Variants in TNFRSF6B observed in about 807,000 individuals in gnomAD.
TNFRSF6B encodes tumor necrosis factor receptor superfamily member 6B.
In TNFRSF6B, 23 loss-of-function variants were observed where a neutral mutation model predicts 17.9. That is an observed-to-expected ratio of 1.28 (90% CI 0.92 to 1.82). TNFRSF6B has a LOEUF of 1.82. Ranked by LOEUF, TNFRSF6B falls within the 40% of genes most tolerant of loss-of-function variation. The probability of loss-of-function intolerance (pLI) is 0.00; values close to 1 mark genes in which losing one functional copy is unlikely to be tolerated. For missense variants in TNFRSF6B, 555 were observed against 437.2 expected (o/e 1.27, Z -2.40); for synonymous variants, 291 against 195.8 (o/e 1.49, Z -4.06).
chr20:63,697,235 G>T, intron 1 of TNFRSF6B, 44 bp downstream of exon 1: 1 of 1,552,616 alleles, frequency 6.4e-7, no homozygotes. Flanking sequence ...GTGGTGGCCG[G>T]AGGTGTGGCA....
At position 63,697,532 on chromosome 20, in the gene TNFRSF6B, A is replaced by T. The variant is rs1162845921; in HGVS notation, c.619+10A>T. On this transcript the variant is annotated intron_variant, in intron 2 of 2. Transcript: ENST00000369996. The stretch of plus-strand genomic sequence containing the variant: ...AGCACCAGGGTACCAGGTGAGCCAG[A>T]GGCCTGAGGGGGCAGCACACTGCAG... 2 of 1,536,716 alleles carry T rather than the reference A, an allele frequency of 1.3e-6. No homozygotes were observed. The highest frequency in any genetic ancestry group is 8.8e-7 in the Non-Finnish European group (1 of 1,136,978).
In TNFRSF6B at chr20:63,698,308, C is replaced by T. The variant is rs150296740; in HGVS notation, c.648C>T (p.Ile216=). 1.3e-4 allele frequency: 209 copies of T among 1,610,952 alleles called. No individual in the cohort carries two copies. The highest frequency in any genetic ancestry group is 1.6e-4 in the Non-Finnish European group (189 of 1,179,282). ...PGAEECERAV[I]DFVAFQDISI... ...CTGAGGAGTGTGAGCGTGCCGTCATCGACTTTGTGGCTTTCCAGGACATCT... is the reference window on the plus strand; with the variant it reads ...CTGAGGAGTGTGAGCGTGCCGTCATTGACTTTGTGGCTTTCCAGGACATCT... The change falls in exon 3 of 3, where the codon ATC becomes ATT. Residue 216 remains isoleucine, a synonymous_variant. Transcript: ENST00000369996.
chr20:63,697,297 C>T (rs2091003416), intron 1 of TNFRSF6B, 31 bp from the exon 2 acceptor site: 4 of 1,597,502 alleles, frequency 2.5e-6, no homozygotes, highest in East Asian at 2.3e-5. Context: ...ACACCAGTTC[C>T]CCTGACCCTG....
chr20:63,698,180 C>T, intron 2 of TNFRSF6B, 100 bp from the exon 3 acceptor site: 5 of 1,447,388 alleles, frequency 3.5e-6, no homozygotes, highest in Middle Eastern at 1.9e-4. Context: ...CTCTCTCCTG[C>T]AAACCCCCCG....
Position 63,696,939 on chromosome 20 carries a change from G to T in TNFRSF6B, c.172G>T (p.Val58Leu). The change falls in exon 1 of 3, where the codon GTG (valine) becomes TTG (leucine). Residue 58 changes from valine to leucine, a missense_variant. Coordinates refer to ENST00000369996, the MANE Select transcript of TNFRSF6B (RefSeq NM_003823.4). ...CGCCCAGTGCCCCCCAGGCACCTTT[G>T]TGCAGCGGCCGTGCCGCCGAGACAG... ...VCAQCPPGTF[V>L]QRPCRRDSPT... 1 of 1,603,280 alleles carries T rather than the reference G, an allele frequency of 6.2e-7. No individual in the cohort carries two copies. The highest frequency in any genetic ancestry group is 8.5e-7 in the Non-Finnish European group (1 of 1,176,080).
In TNFRSF6B at chr20:63,696,992, G is replaced by A. The variant is rs747082620; in HGVS notation, c.225G>A (p.Pro75=). The part of the protein sequence containing the change: ...DSPTTCGPCP[P]RHYTQFWNYL... ...CCACGACGTGTGGCCCGTGTCCACC[G>A]CGCCACTACACGCAGTTCTGGAACT... The change falls in exon 1 of 3, where the codon CCG becomes CCA. Residue 75 remains proline (P), a synonymous_variant. Coordinates refer to ENST00000369996, the MANE Select transcript of TNFRSF6B (RefSeq NM_003823.4). The A allele has an allele frequency of 1.7e-5, 28 of 1,607,946 alleles. No homozygotes were observed. The highest frequency in any genetic ancestry group is 1.0e-4 in the Admixed American group (6 of 59,866).
At position 63,696,693 on chromosome 20, in the gene TNFRSF6B, A is replaced by G; in HGVS notation, c.-75A>G. 1 of 1,422,906 alleles carries G rather than the reference A, an allele frequency of 7.0e-7. No homozygotes were observed. The highest frequency in any genetic ancestry group is 1.5e-5 in the South Asian group (1 of 68,784). The allele number at this position is 1,422,906 out of a possible 1,614,324, so 88.1% of individuals were successfully genotyped here. ...TCCGCAGGCGGACCGGGGGCAAAGG[A>G]GGTGGCATGTCGGTCAGGCACAGCA... On this transcript the variant is annotated 5_prime_UTR_variant, in exon 1 of 3. Coordinates refer to ENST00000369996, the MANE Select transcript of TNFRSF6B (RefSeq NM_003823.4).
chr20:63,697,842 CCTAA>C (rs1403017987), intron 2 of TNFRSF6B, among the ~76,000 whole-genome samples: 8 of 152,242 alleles, frequency 5.3e-5, no homozygotes, highest in Non-Finnish European at 7.4e-5. Context: ...TGGTAACTCT[CCTAA>C]CTGCCTGAGA....
rs1354883828 is a variant in TNFRSF6B, at chr20:63,698,365, C to T, written c.705C>T (p.Ala235=). The change falls in exon 3 of 3, where the codon GCC becomes GCT. Residue 235 remains alanine, a synonymous_variant. Transcript: ENST00000369996. ...SIKRLQRLLQ[A]LEAPEGWGPT... ...AGAGGCTGCAGCGGCTGCTGCAGGCCCTCGAGGCCCCGGAGGGCTGGGGTC... is the reference window on the plus strand; with the variant it reads ...AGAGGCTGCAGCGGCTGCTGCAGGCTCTCGAGGCCCCGGAGGGCTGGGGTC... The T allele has an allele frequency of 3.7e-6, 6 of 1,609,684 alleles. No homozygotes were observed. In the Admixed American group the frequency reaches 5.0e-5, roughly 14 times the overall value.
chr20:63,698,183 A>AC (rs1203525232), intron 2 of TNFRSF6B, 97 bp from the exon 3 acceptor site: 7 of 1,459,144 alleles, frequency 4.8e-6, no homozygotes, highest in Non-Finnish European at 4.6e-6. Context: ...TCTCCTGCAA[A>AC]CCCCCCGAGT....
Position 63,697,060 on chromosome 20 carries a change from G to A in TNFRSF6B, c.293G>A (p.Arg98His), listed in dbSNP as rs752104975. Reference protein sequence around the residue: ...CRYCNVLCGEREEEARACHAT... With the variant: ...CRYCNVLCGEHEEEARACHAT... ...TACTGCAACGTCCTCTGCGGGGAGC[G>A]TGAGGAGGAGGCACGGGCTTGCCAC... is the stretch of plus-strand genomic sequence containing the variant. The change falls in exon 1 of 3, where the codon CGT becomes CAT. Residue 98 changes from arginine to histidine, a missense_variant. Arg to His is a conservative substitution (Grantham distance 29, BLOSUM62 0). Transcript: ENST00000369996. The A allele has an allele frequency of 1.6e-5, 26 of 1,607,270 alleles. No individual in the cohort carries two copies. The Admixed American group carries it at 2.2e-4, about 13-fold the overall frequency.
At position 63,697,347 on chromosome 20, in the gene TNFRSF6B, G is replaced by A. The variant is rs145601523; in HGVS notation, c.444G>A (p.Thr148=). The A allele has an allele frequency of 2.0e-5, 33 of 1,611,750 alleles. No individual in the cohort carries two copies. The highest frequency in any genetic ancestry group is 1.3e-4 in the South Asian group (12 of 90,978). ...CTGCAGGCACCCCCAGCCAGAACAC[G>A]CAGTGCCAGCCGTGCCCCCCAGGCA... ...VIAPGTPSQN[T]QCQPCPPGTF... is the part of the protein sequence containing the mutation. Residue 148 remains threonine (T), a synonymous_variant, in exon 2 of 3, where the codon ACG becomes ACA. Coordinates refer to ENST00000369996, the MANE Select transcript of TNFRSF6B (RefSeq NM_003823.4).
rs886719639 is a variant in TNFRSF6B, at chr20:63,698,586, C to T, written c.*23C>T. On this transcript the variant is annotated 3_prime_UTR_variant, in exon 3 of 3. Transcript: ENST00000369996. Reference sequence around the variant, plus strand: ...TGATCCTGGCCCCCTCTTATTTATTCTACATCCTTGGCACCCCACTTGCAC... The same window carrying T: ...TGATCCTGGCCCCCTCTTATTTATTTTACATCCTTGGCACCCCACTTGCAC... 4 of 1,467,778 alleles carry T rather than the reference C, an allele frequency of 2.7e-6. No homozygotes were observed. The highest frequency in any genetic ancestry group is 2.7e-5 in the East Asian group (1 of 37,668). The allele number at this position is 1,467,778 out of a possible 1,614,324, so 90.9% of individuals were successfully genotyped here.
intron 2 of TNFRSF6B, among the ~76,000 whole-genome samples, chr20:63,697,982 C>T (rs551983368): frequency 7.9e-5 from 12 of 152,286 alleles, no homozygotes; most frequent in East Asian, 3.9e-4. Context: ...GGTCCCAACT[C>T]GCCCCTTCCG....
chr20:63,697,413 C>T lies in TNFRSF6B; in HGVS notation c.510C>T (p.Pro170=). ...ASSSSSEQCQ[P]HRNCTALGLA... The stretch of plus-strand genomic sequence containing the variant: ...GCTCCAGCTCAGAGCAGTGCCAGCC[C>T]CACCGCAACTGCACGGCCCTGGGCC... Residue 170 remains proline, a synonymous_variant, in exon 2 of 3, where the codon CCC becomes CCT. Coordinates refer to ENST00000369996, the MANE Select transcript of TNFRSF6B (RefSeq NM_003823.4). 6.2e-7 allele frequency: 1 copy of T among 1,610,874 alleles called. No homozygotes were observed. The highest frequency in any genetic ancestry group is 1.1e-5 in the South Asian group (1 of 90,712).
rs372122002 is a variant in TNFRSF6B at position 63,696,888 on chromosome 20, G to T, written c.121G>T (p.Ala41Ser). ...AACACCCACCTACCCCTGGCGGGAC[G>T]CAGAGACAGGGGAGCGGCTGGTGTG... The part of the protein sequence containing the change: ...AETPTYPWRD[A>S]ETGERLVCAQ... The change falls in exon 1 of 3, where the codon GCA becomes TCA. Residue 41 changes from alanine to serine, a missense_variant. Ala to Ser is a moderately conservative substitution (Grantham distance 99). Transcript: ENST00000369996. 2.9e-5 allele frequency: 46 copies of T among 1,611,678 alleles called. No homozygotes were observed. The highest frequency in any genetic ancestry group is 3.9e-5 in the Non-Finnish European group (46 of 1,179,478).
In TNFRSF6B at chr20:63,697,785, G is replaced by A. The variant is rs368516141; in HGVS notation, c.619+263G>A. Among the ~76,000 whole-genome samples the A allele has an allele frequency of 1.8e-4, 28 of 152,280 alleles. No homozygotes were observed. In the East Asian group the frequency reaches 3.7e-3, roughly 20 times the overall value. On this transcript the variant is annotated intron_variant, in intron 2 of 2. Coordinates refer to ENST00000369996, the MANE Select transcript of TNFRSF6B (RefSeq NM_003823.4). ...GTGGGCAGCAATCTCCTAACTGCCC[G>A]AGGGGAAGGTGGCTGGCTCCTCTGA...
At chr20:63,697,234 G>C (rs375269966) in intron 1 of TNFRSF6B, 43 bp downstream of exon 1, 15 of 1,551,826 alleles carry the variant, frequency 9.7e-6, no homozygotes, top group Non-Finnish European at 1.2e-5. Context: ...AGTGGTGGCC[G>C]GAGGTGTGGC....
rs1299606381 is a variant in TNFRSF6B at position 63,697,183 on chromosome 20, T to C, written c.416T>C (p.Ile139Thr). The C allele has an allele frequency of 4.5e-6, 7 of 1,560,356 alleles. No individual in the cohort carries two copies. The highest frequency in any genetic ancestry group is 3.5e-5 in the South Asian group (3 of 86,046). Residue 139 changes from isoleucine (I) to threonine (T), a missense_variant, in exon 1 of 3, where the codon ATT becomes ACT. By Grantham distance (89) the Ile-to-Thr change is moderately conservative. Transcript: ENST00000369996. The stretch of plus-strand genomic sequence containing the variant: ...TCGTGTCCACCTGGTGCCGGCGTGA[T>C]TGCCCCGGGTGAGAGCTGGGCGAGG... ...HASCPPGAGV[I>T]APGTPSQNTQ...
Sources: allele counts gnomAD v4.1 joint callset (sites outside exome capture counted in the v4.1 genomes callset), GRCh38; gene constraint gnomAD v4.1.1; transcripts MANE v1.5; gene names NCBI Gene and HGNC (gene_info 2026-07-23, HGNC 2026-07-21).